Variants in PKHD1L1 observed in about 807,000 individuals in gnomAD.
PKHD1L1 encodes PKHD1 like 1, also known as fibrocystin-L.
A neutral mutation model predicts 462.9 loss-of-function variants in PKHD1L1; 434 were observed. That is an observed-to-expected ratio of 0.94 (90% confidence interval 0.87 to 1.02). The LOEUF (loss-of-function observed/expected upper bound fraction) is 1.02, where lower values mean the gene tolerates loss of function less well. Ranked by LOEUF, PKHD1L1 falls within the 50% of genes least tolerant of loss-of-function variation. The pLI is 0.00. For missense variants in PKHD1L1, 5,202 were observed against 5,096.1 expected (o/e 1.02, Z -0.63); for synonymous variants, 1,781 against 1,750.0 (o/e 1.02, Z -0.44).
chr8:109,531,088 G>T lies in PKHD1L1; in HGVS notation c.*998G>T, dbSNP rs1403742625. Among the ~76,000 whole-genome samples, 2 of 152,204 alleles carry T rather than the reference G, an allele frequency of 1.3e-5. No individual in the cohort carries two copies. Among genetic ancestry groups the T allele is most frequent in the Non-Finnish European group, 2.9e-5 (2 of 68,038 alleles). On this transcript the variant is annotated 3_prime_UTR_variant, in exon 78 of 78. Transcript: ENST00000378402. ...ACTCCTAATAAAGACATTGTAGCCA[G>T]ATCCAGAGCCTTCCAGCAAGTGACA...
At position 109,430,548 on chromosome 8, in the gene PKHD1L1, G is replaced by A. The variant is rs74908909; in HGVS notation, c.3229+511G>A. Among the ~76,000 whole-genome samples, 568 of 152,240 alleles carry A rather than the reference G, an allele frequency of 3.7e-3. 2 individuals are homozygous for A. The highest frequency in any genetic ancestry group is 0.013 in the African/African-American group (544 of 41,556). ...GAACTCAATCTAAGGAACACATTAT[G>A]CCATTTCTTCATAAATGGTATTATT... On this transcript the variant is annotated intron_variant, in intron 27 of 77. Transcript: ENST00000378402.
intron 21 of PKHD1L1, among the ~76,000 whole-genome samples, chr8:109,417,695 G>A (rs1051113629): frequency 1.3e-5 from 2 of 151,954 alleles, no homozygotes; most frequent in Non-Finnish European, 2.9e-5. Flanking sequence ...GATTACAGGC[G>A]CGTGCCACCC....
At chr8:109,526,108 T>G (rs923612006) in intron 76 of PKHD1L1, among the ~76,000 whole-genome samples, 1 of 152,172 alleles carries the variant, frequency 6.6e-6, no homozygotes, top group Non-Finnish European at 1.5e-5. Context: ...TGTGGGAAGA[T>G]TTAACCTGGA....
chr8:109,378,490 T>G (rs1447428117), intron 2 of PKHD1L1, among the ~76,000 whole-genome samples: 1 of 152,214 alleles, frequency 6.6e-6, no homozygotes, highest in Non-Finnish European at 1.5e-5. Context: ...TGGCACATCC[T>G]ATTTCTTCTA....
intron 2 of PKHD1L1, among the ~76,000 whole-genome samples, chr8:109,375,622 C>T (rs1811776232): frequency 6.6e-6 from 1 of 152,116 alleles, no homozygotes; most frequent in Non-Finnish European, 1.5e-5. Context: ...TTTTCCCCAT[C>T]TTTGTGGTTT....
At chr8:109,481,102 G>A (rs1206362993) in intron 55 of PKHD1L1, among the ~76,000 whole-genome samples, 2 of 151,790 alleles carry the variant, frequency 1.3e-5, no homozygotes, top group Non-Finnish European at 2.9e-5. Context: ...CATAGCTTGG[G>A]TGTAAGCGTA....
chr8:109,466,976 T>C (rs1817475676), intron 50 of PKHD1L1, among the ~76,000 whole-genome samples: 2 of 152,072 alleles, frequency 1.3e-5, no homozygotes, highest in African/African-American at 2.4e-5. Context: ...AATATTCTGC[T>C]GATCAAGAAA....
rs1267066277 is a variant in PKHD1L1, at chr8:109,531,327, G to C, written c.*1237G>C. ...ATCTGTTGGGTGTTCTAGTAAGTAG[G>C]AAGGCTACAAGAAATAAGATGCTAT... On this transcript the variant is annotated 3_prime_UTR_variant, in exon 78 of 78. Transcript: ENST00000378402. Among the ~76,000 whole-genome samples, 1 of 152,184 alleles carries C rather than the reference G, an allele frequency of 6.6e-6. No homozygotes were observed. Among genetic ancestry groups the C allele is most frequent in the Non-Finnish European group, 1.5e-5 (1 of 68,032 alleles).
chr8:109,526,833 A>C lies in PKHD1L1; in HGVS notation c.12534A>C (p.Glu4178Asp). Residue 4178 changes from glutamate (E) to aspartate (D), a missense_variant, in exon 77 of 78, where the codon GAA (glutamate) becomes GAC (aspartate). Glu to Asp is a conservative substitution (Grantham distance 45). Transcript: ENST00000378402. ...EFILDNVVGVESRTFSLLAES... is the reference protein window; with the variant it reads ...EFILDNVVGVDSRTFSLLAES... ...TACTGGATAATGTTGTTGGGGTAGAATCCAGAACTTTCAGCCTGCTGGCAG... is the reference window on the plus strand; with the variant it reads ...TACTGGATAATGTTGTTGGGGTAGACTCCAGAACTTTCAGCCTGCTGGCAG... 1 of 1,578,206 alleles carries C rather than the reference A, an allele frequency of 6.3e-7. No homozygotes were observed. Among genetic ancestry groups the C allele is most frequent in the Non-Finnish European group, 8.6e-7 (1 of 1,161,028 alleles).
At chr8:109,381,838 A>G (rs887048326) in intron 3 of PKHD1L1, among the ~76,000 whole-genome samples, 34 of 152,198 alleles carry the variant, frequency 2.2e-4, no homozygotes, top group African/African-American at 7.2e-4. Flanking sequence ...TATTTTGTTC[A>G]ATTTGATGAA....
chr8:109,433,145 C>G lies in PKHD1L1; in HGVS notation c.3269C>G (p.Ser1090Cys). 1.2e-6 allele frequency: 2 copies of G among 1,613,534 alleles called. No homozygotes were observed. Among genetic ancestry groups the G allele is most frequent in the Non-Finnish European group, 1.7e-6 (2 of 1,179,632 alleles). ...GGCACAATTCTAACCATAGTGGGTT[C>G]TGGATTTTCTCCTAGTTCAGCTGTA... The part of the protein sequence containing the change: ...EEGTILTIVG[S>C]GFSPSSAVTV... Residue 1090 changes from serine (S) to cysteine (C), a missense_variant, in exon 28 of 78, where the codon TCT becomes TGT. By Grantham distance (112) the Ser-to-Cys change is moderately radical. Around this residue, in one of 3 missense-constraint regions of PKHD1L1, gnomAD observed 4,497 missense variants for 4,336.8 expected, o/e 1.04. Coordinates refer to ENST00000378402, the MANE Select transcript of PKHD1L1 (RefSeq NM_177531.6).
At chr8:109,527,999 G>A (rs1419856215) in intron 77 of PKHD1L1, among the ~76,000 whole-genome samples, 4 of 152,112 alleles carry the variant, frequency 2.6e-5, no homozygotes, top group Admixed American at 2.0e-4. Flanking sequence ...GAATGGCAGA[G>A]GTGTAGTTTC....
In PKHD1L1 at chr8:109,536,985, T is replaced by A. The variant is rs191066417; in HGVS notation, c.*6895T>A. ...TTATAATTTTCCAGAATATTAATGT[T>A]TATTATTTTGAAAGCAAGTAAAATT... On this transcript the variant is annotated 3_prime_UTR_variant, in exon 78 of 78. Transcript: ENST00000378402. Among the ~76,000 whole-genome samples the A allele has an allele frequency of 6.6e-6, 1 of 152,330 alleles. No individual in the cohort carries two copies. Among genetic ancestry groups the A allele is most frequent in the East Asian group, 1.9e-4 (1 of 5,192 alleles).
chr8:109,373,272 A>C (rs1811616128), intron 2 of PKHD1L1, among the ~76,000 whole-genome samples: 1 of 151,904 alleles, frequency 6.6e-6, no homozygotes, highest in Admixed American at 6.6e-5. Context: ...TTTCTTCTAG[A>C]TTTTCTAGTT....
At position 109,449,328 on chromosome 8, in the gene PKHD1L1, T is replaced by C. The variant is rs1437437859; in HGVS notation, c.6026-10T>C. The C allele has an allele frequency of 1.3e-6, 2 of 1,555,250 alleles. No homozygotes were observed. The highest frequency in any genetic ancestry group is 1.7e-6 in the Non-Finnish European group (2 of 1,149,740). On this transcript the variant is annotated splice_polypyrimidine_tract_variant and intron_variant, in intron 39 of 77. Transcript: ENST00000378402. ...TAGCTTTGTTTTTCCTTTTTATTTG[T>C]CTTCACTAGGGAGCTTTGGTGGGGG...
chr8:109,492,064 T>G (rs1818857885), intron 62 of PKHD1L1, 70 bp downstream of exon 62: 1 of 1,218,228 alleles, frequency 8.2e-7, no homozygotes, highest in Non-Finnish European at 1.1e-6. Context: ...TCTAATAAAA[T>G]GAGCTAACTA....
In PKHD1L1 at chr8:109,470,581, G is replaced by A. The variant is rs1206518204; in HGVS notation, c.8605+3812G>A. The A allele has an allele frequency of 3.9e-5, 62 of 1,591,880 alleles. No homozygotes were observed. The South Asian group carries it at 6.2e-4, about 16-fold the overall frequency. On this transcript the variant is annotated intron_variant, in intron 50 of 77. Transcript: ENST00000378402. ...AACTATTCAGCTTAGTTCCCAGCAT[G>A]AGCCTACTGATGTTGTTGATAAATT... is the stretch of plus-strand genomic sequence containing the variant.
rs1321032184 is a variant in PKHD1L1, at chr8:109,400,175, C to A, written c.1112C>A (p.Ala371Asp). 1 of 1,613,480 alleles carries A rather than the reference C, an allele frequency of 6.2e-7. No homozygotes were observed. Among genetic ancestry groups the A allele is most frequent in the Non-Finnish European group, 8.5e-7 (1 of 1,179,704 alleles). Residue 371 changes from alanine to aspartate, a missense_variant, in exon 13 of 78, where the codon GCC (alanine) becomes GAC (aspartate). By Grantham distance (126) the Ala-to-Asp change is moderately radical. Coordinates refer to ENST00000378402, the MANE Select transcript of PKHD1L1 (RefSeq NM_177531.6). The stretch of plus-strand genomic sequence containing the variant: ...GAAAAAACGCCTGGGTACATGGGTG[C>A]CAGTTGGGTAGATTCAGCTTCCTAT... ...YNEKTPGYMGASWVDSASYIW... is the reference protein window; with the variant it reads ...YNEKTPGYMGDSWVDSASYIW...
At position 109,536,589 on chromosome 8, in the gene PKHD1L1, C is replaced by T. The variant is rs1821150723; in HGVS notation, c.*6499C>T. 6.6e-6 allele frequency among the ~76,000 whole-genome samples: 1 copy of T among 152,184 alleles called. No individual in the cohort carries two copies. The highest frequency in any genetic ancestry group is 6.5e-5 in the Admixed American group (1 of 15,282). On this transcript the variant is annotated 3_prime_UTR_variant, in exon 78 of 78. Coordinates refer to ENST00000378402, the MANE Select transcript of PKHD1L1 (RefSeq NM_177531.6). ...GTCATAAATCTAATAACGATGTGGA[C>T]ATTAGCCAGAAGTATGATGTGGCTG...
Sources: gnomAD v4.1 joint callset for allele counts (sites outside exome capture counted in the v4.1 genomes callset) on GRCh38, gnomAD v4.1.1 for gene constraint, gnomAD v4.1.1 regional missense constraint, MANE v1.5 for transcripts, NCBI Gene and HGNC (gene_info 2026-07-23, HGNC 2026-07-21) for gene names.